RCC1L: variants seen among roughly 807,000 people sequenced by gnomAD.
RCC1L encodes RCC1 like, also known as RCC1-like G exchanging factor-like protein.
RCC1L carries 46 observed loss-of-function variants against 58.6 expected under a neutral mutation model. That is an observed-to-expected ratio of 0.79 (90% CI 0.62 to 1.00). The LOEUF (loss-of-function observed/expected upper bound fraction) is 1.00. Ranked by LOEUF, RCC1L falls within the 50% of genes least tolerant of loss-of-function variation. RCC1L has a pLI of 0.00. For missense variants in RCC1L, 636 were observed against 623.6 expected, an observed-to-expected ratio of 1.02 and a Z score of -0.21; for synonymous variants, 281 against 262.9, an observed-to-expected ratio of 1.07 and a Z score of -0.67.
intron 10 of RCC1L, among the ~76,000 whole-genome samples, chr7:75,051,337 CAT>C (rs1209146726): frequency 6.7e-5 from 10 of 148,436 alleles, no homozygotes; most frequent in East Asian, 2.0e-4. Context: ...CACACACACA[CAT>C]ATATATACAC....
chr7:75,042,812 C>A lies in RCC1L; in HGVS notation c.*220G>T. 3 of 1,439,074 alleles carry A rather than the reference C, an allele frequency of 2.1e-6. No homozygotes were observed. In the South Asian group the frequency reaches 4.5e-5, roughly 22 times the overall value. The allele number at this position is 1,439,074 out of a possible 1,614,324, so 89.1% of individuals were successfully genotyped here. ...ACAGCGGCCCACCAAAGGCTGCCAT[C>A]CAAGCTGAGTTCCGCAGGCCTCACC... On this transcript the variant is annotated 3_prime_UTR_variant, in exon 11 of 11. Transcript: ENST00000610322.
intron 4 of RCC1L, among the ~76,000 whole-genome samples, chr7:75,064,066 T>A (rs994932357): frequency 1.3e-4 from 20 of 152,286 alleles, no homozygotes; most frequent in Non-Finnish European, 2.6e-4. Flanking sequence ...ACGTGGGGGC[T>A]CATGCCTGTA....
At chr7:75,038,864 C>T (rs1319248023), downstream of RCC1L, among the ~76,000 whole-genome samples, 1 of 152,200 alleles carries the variant, frequency 6.6e-6, no homozygotes, top group Non-Finnish European at 1.5e-5. Context: ...CATCCTCCTG[C>T]CTCCGGGGGG....
chr7:75,055,146 T>A, intron 9 of RCC1L, among the ~76,000 whole-genome samples: 1 of 152,234 alleles, frequency 6.6e-6, no homozygotes, highest in Non-Finnish European at 1.5e-5. Context: ...ATGAAAAGAT[T>A]CTTTTAATTG....
intron 10 of RCC1L, among the ~76,000 whole-genome samples, chr7:75,029,613 G>T (rs1292080554): frequency 3.9e-5 from 6 of 152,038 alleles, no homozygotes; most frequent in African/African-American, 1.2e-4. Context: ...CAAAGTGCTG[G>T]GATTACAGGC....
chr7:75,046,957 C>T (rs1805739230), intron 10 of RCC1L, among the ~76,000 whole-genome samples: 1 of 151,882 alleles, frequency 6.6e-6, no homozygotes, highest in African/African-American at 2.4e-5. Flanking sequence ...ACCAGCTTTT[C>T]TATTTTTTTT....
intron 10 of RCC1L, among the ~76,000 whole-genome samples, chr7:75,045,629 C>A (rs1805696944): frequency 6.6e-6 from 1 of 152,142 alleles, no homozygotes; most frequent in Non-Finnish European, 1.5e-5. Context: ...GATTCTCCTG[C>A]CTCAGCCTCC....
rs1048068913 is a variant in RCC1L, at chr7:75,057,522, G to T, written c.1057+7C>A. On this transcript the variant is annotated splice_region_variant and intron_variant, in intron 8 of 10. Transcript: ENST00000610322. ...TTCCCAATGAGCCACCGGAAAGAAG[G>T]TCTCACCGTTTAACACTGCACAGCC... The T allele has an allele frequency of 2.5e-5, 40 of 1,613,636 alleles. No homozygotes were observed. The African/African-American group carries it at 4.9e-4, about 20-fold the overall frequency.
Position 75,061,272 on chromosome 7 carries a change from T to G in RCC1L, c.722A>C (p.His241Pro). ...TCCTTTATCCGTCAGGAACAGACTA[T>G]GATCCTGACCACAGGCGACCTAGCA... ...QVVQVACGQD[H>P]SLFLTDKGEV... is the part of the protein sequence containing the mutation. Residue 241 changes from histidine (H) to proline (P), a missense_variant, in exon 6 of 11, where the codon CAT becomes CCT. His to Pro is a moderately conservative substitution (Grantham distance 77). Transcript: ENST00000610322. The G allele has an allele frequency of 6.2e-7, 1 of 1,613,736 alleles. No individual in the cohort carries two copies. The highest frequency in any genetic ancestry group is 1.3e-5 in the African/African-American group (1 of 75,002).
At chr7:75,038,698 G>A (rs1805482134), downstream of RCC1L, among the ~76,000 whole-genome samples, 3 of 152,118 alleles carry the variant, frequency 2.0e-5, no homozygotes, top group Non-Finnish European at 2.9e-5. Context: ...GGGCCTGTGG[G>A]TAGTCTGGTG....
intron 6 of RCC1L, among the ~76,000 whole-genome samples, chr7:75,060,927 A>T (rs1467433347): frequency 6.6e-6 from 1 of 151,952 alleles, no homozygotes; most frequent in Non-Finnish European, 1.5e-5. Flanking sequence ...ACAAAAAATT[A>T]GCTGGGCTTG....
At chr7:75,040,644 G>A (rs930081132), downstream of RCC1L, among the ~76,000 whole-genome samples, 5 of 152,012 alleles carry the variant, frequency 3.3e-5, no homozygotes, top group African/African-American at 9.7e-5. Flanking sequence ...AGATCAATAC[G>A]TGAGTTTGAT....
chr7:75,067,828 G>C (rs917562064), intron 2 of RCC1L, among the ~76,000 whole-genome samples: 1 of 151,638 alleles, frequency 6.6e-6, no homozygotes. Context: ...ATGGGTGACA[G>C]GGCAAGACCC....
chr7:75,061,155 C>T, intron 6 of RCC1L, 52 bp downstream of exon 6: 2 of 1,476,642 alleles, frequency 1.4e-6, no homozygotes, highest in Non-Finnish European at 1.9e-6. Context: ...CACAGCTCCA[C>T]ATGACACGGG....
At chr7:75,034,345 G>A (rs1490793006) in intron 10 of RCC1L, among the ~76,000 whole-genome samples, 1 of 152,080 alleles carries the variant, frequency 6.6e-6, no homozygotes, top group Non-Finnish European at 1.5e-5. Flanking sequence ...GTGAAATCCC[G>A]TCTCTACGAA....
intron 10 of RCC1L, among the ~76,000 whole-genome samples, chr7:75,034,125 G>GT (rs1805379050): frequency 6.6e-6 from 1 of 152,190 alleles, no homozygotes. Flanking sequence ...GCTGTAAATG[G>GT]TTTTATGTTA....
downstream of RCC1L, among the ~76,000 whole-genome samples, chr7:75,039,934 TG>T (rs1405221330): frequency 4.6e-5 from 7 of 151,810 alleles, no homozygotes; most frequent in African/African-American, 1.7e-4. Context: ...ATGCTGGGGT[TG>T]GGGGAGGGGC....
At chr7:75,071,257 G>A (rs1806716536) in intron 1 of RCC1L, among the ~76,000 whole-genome samples, 1 of 151,968 alleles carries the variant, frequency 6.6e-6, no homozygotes, top group South Asian at 2.1e-4. Context: ...CTCTATGAAG[G>A]GTGATTTACA....
intron 5 of RCC1L, 108 bp from the exon 6 acceptor site, chr7:75,061,399 G>A: frequency 1.1e-6 from 1 of 894,362 alleles, no homozygotes. Flanking sequence ...GGCACCTGGA[G>A]CATGGTCCAG....
Sources: allele counts gnomAD v4.1 joint callset (sites outside exome capture counted in the v4.1 genomes callset), GRCh38; gene constraint gnomAD v4.1.1; transcripts MANE v1.5; gene names NCBI Gene and HGNC (gene_info 2026-07-23, HGNC 2026-07-21).